The following SFSWAP variants were observed in gnomAD, a reference collection of about 807,000 sequenced individuals.
SFSWAP encodes the protein splicing factor, suppressor of white-apricot homolog.
SFSWAP carries 17 observed loss-of-function variants against 100.7 expected under a neutral mutation model. The ratio of observed to expected loss-of-function variants is 0.17; its 90% confidence interval spans 0.12 to 0.25. The LOEUF (loss-of-function observed/expected upper bound fraction) is 0.25, where lower values mean the gene tolerates loss of function less well. SFSWAP is among the 10% of genes least tolerant of loss of function. The pLI, the probability that SFSWAP is intolerant of heterozygous loss-of-function variation, is 1.00. For missense variants in SFSWAP, 1,005 were observed against 1,262.6 expected (o/e 0.80, Z 3.09); for synonymous variants, 504 against 510.1 (o/e 0.99, Z 0.16).
At chr12:131,774,935 T>A (rs1883893063) in intron 13 of SFSWAP, among the ~76,000 whole-genome samples, 1 of 152,028 alleles carries the variant, frequency 6.6e-6, no homozygotes, top group South Asian at 2.1e-4. Context: ...AAAAAAAAAG[T>A]TTGGAGGCTC....
Position 131,799,021 on chromosome 12 carries a change from T to G in SFSWAP, c.2718-16T>G. Reference sequence around the variant, plus strand: ...TCACACGGTTGTAAGCTCTGCTCTCTCTCTCTCTGCATTAGGGGAGTCTCT... The same window carrying G: ...TCACACGGTTGTAAGCTCTGCTCTCGCTCTCTCTGCATTAGGGGAGTCTCT... On this transcript the variant is annotated splice_polypyrimidine_tract_variant and intron_variant, in intron 16 of 17. Coordinates refer to ENST00000261674, the MANE Select transcript of SFSWAP (RefSeq NM_004592.4). 1 of 1,603,160 alleles carries G rather than the reference T, an allele frequency of 6.2e-7. No homozygotes were observed. Among genetic ancestry groups the G allele is most frequent in the Non-Finnish European group, 8.5e-7 (1 of 1,169,982 alleles).
intron 7 of SFSWAP, among the ~76,000 whole-genome samples, chr12:131,747,478 T>C (rs914214468): frequency 1.1e-4 from 16 of 151,994 alleles, no homozygotes; most frequent in Non-Finnish European, 7.4e-5. Context: ...GGCAGGTGGG[T>C]TTGCAGGAGG....
intron 8 of SFSWAP, among the ~76,000 whole-genome samples, chr12:131,754,053 TAACAAC>T (rs886115515): frequency 1.3e-5 from 2 of 152,116 alleles, no homozygotes; most frequent in Admixed American, 6.6e-5. Flanking sequence ...GTTTTCAATA[TAACAAC>T]AACAACAACA....
chr12:131,778,461 CA>C lies in SFSWAP; in HGVS notation c.2408+132del. On this transcript the variant is annotated intron_variant, in intron 14 of 17. Coordinates refer to ENST00000261674, the MANE Select transcript of SFSWAP (RefSeq NM_004592.4). The surrounding 1 kb of genome is among the most constrained non-coding windows in gnomAD (Gnocchi z 4.2). The stretch of plus-strand genomic sequence containing the variant: ...TTAAGCAGACGCGTGTATGCATGTG[CA>C]TGTGTGCCCTGCAAGTCCAAGTAAG... 1 of 1,334,152 alleles carries C rather than the reference CA, an allele frequency of 7.5e-7. No individual in the cohort carries two copies. Among genetic ancestry groups the C allele is most frequent in the Non-Finnish European group, 1.0e-6 (1 of 984,572 alleles). The allele number at this position is 1,334,152 out of a possible 1,614,324, so 82.6% of individuals were successfully genotyped here. A position where few individuals can be genotyped will look rare whatever the true frequency, so the allele number is the denominator to read the frequency against.
At chr12:131,765,760 C>A (rs185398226) in intron 12 of SFSWAP, among the ~76,000 whole-genome samples, 6 of 152,274 alleles carry the variant, frequency 3.9e-5, no homozygotes, top group African/African-American at 1.4e-4. Flanking sequence ...ACATCTGAAT[C>A]TGTCCTTCCT....
intron 7 of SFSWAP, among the ~76,000 whole-genome samples, chr12:131,747,407 A>C (rs1003125429): frequency 6.6e-6 from 1 of 152,214 alleles, no homozygotes; most frequent in Non-Finnish European, 1.5e-5. Context: ...AGGTGAGCCC[A>C]GCAATTACCA....
chr12:131,714,316 A>T lies in SFSWAP; in HGVS notation c.388+76A>T, dbSNP rs772137167. The T allele has an allele frequency of 8.3e-6, 10 of 1,208,750 alleles. No homozygotes were observed. In the Admixed American group the frequency reaches 2.2e-4, roughly 27 times the overall value. 74.9% of individuals were successfully genotyped at this position (1,208,750 alleles called of 1,614,324 possible). ...AGTATTTAAAAATTTACTCCCATTC[A>T]TTTTTTTATACTCACTCTTTCTGAT... On this transcript the variant is annotated intron_variant, in intron 2 of 17. Transcript: ENST00000261674. The surrounding 1 kb of genome is among the most constrained non-coding windows in gnomAD (Gnocchi z 6.0).
chr12:131,768,720 C>T (rs767485978), intron 13 of SFSWAP, among the ~76,000 whole-genome samples: 6 of 152,194 alleles, frequency 3.9e-5, no homozygotes, highest in Non-Finnish European at 7.3e-5. Flanking sequence ...AGCAGCCCCC[C>T]GGGACGCCGT....
intron 16 of SFSWAP, among the ~76,000 whole-genome samples, chr12:131,797,605 G>A (rs1246302329): frequency 6.6e-6 from 1 of 152,224 alleles, no homozygotes; most frequent in Non-Finnish European, 1.5e-5. Flanking sequence ...CAGGAGTGGA[G>A]CAGTCCACTT....
chr12:131,775,611 C>T (rs1020088287), intron 13 of SFSWAP, among the ~76,000 whole-genome samples: 3 of 152,136 alleles, frequency 2.0e-5, no homozygotes, highest in African/African-American at 7.2e-5. Flanking sequence ...TGGGAGAGGC[C>T]ATAGCTAGGA....
At chr12:131,785,284 G>GC in intron 14 of SFSWAP, 1 of 1,363,348 alleles carries the variant, frequency 7.3e-7, no homozygotes, top group African/African-American at 2.7e-5. Context: ...GAAAGGTCTG[G>GC]GAAAAAATCA....
At position 131,799,407 on chromosome 12, in the gene SFSWAP, GT is replaced by G; in HGVS notation, c.2791-15del. The G allele has an allele frequency of 6.2e-7, 1 of 1,613,928 alleles. No homozygotes were observed. Among genetic ancestry groups the G allele is most frequent in the Non-Finnish European group, 8.5e-7 (1 of 1,179,782 alleles). On this transcript the variant is annotated splice_polypyrimidine_tract_variant and intron_variant, in intron 17 of 17. Coordinates refer to ENST00000261674, the MANE Select transcript of SFSWAP (RefSeq NM_004592.4). ...CAGGTCTTCACAGGTTCTCCTCTGT[GT>G]CTCGCCCTGCACAGGATCTCATGGC... is the stretch of plus-strand genomic sequence containing the variant.
At chr12:131,787,031 C>T (rs1884944532) in intron 15 of SFSWAP, among the ~76,000 whole-genome samples, 1 of 152,162 alleles carries the variant, frequency 6.6e-6, no homozygotes, top group Admixed American at 6.5e-5. Flanking sequence ...GCTGGAGCTC[C>T]CAGGAGAGGC....
At chr12:131,796,523 C>G (rs1286213701) in intron 15 of SFSWAP, 1 of 152,402 alleles carries the variant, frequency 6.6e-6, no homozygotes, top group Non-Finnish European at 1.5e-5. Context: ...GCAGGCTCCA[C>G]TGCCCAGAGG....
At chr12:131,791,100 G>A (rs1885198548) in intron 15 of SFSWAP, among the ~76,000 whole-genome samples, 1 of 152,186 alleles carries the variant, frequency 6.6e-6, no homozygotes, top group Admixed American at 6.5e-5. Context: ...GTGGATTAAA[G>A]AGCAAGACCT....
intron 11 of SFSWAP, chr12:131,757,360 G>A (rs1340053462): frequency 6.6e-6 from 1 of 152,510 alleles, no homozygotes. Context: ...AGTGACTTCG[G>A]GGGTGGCTGG....
chr12:131,746,955 T>G lies in SFSWAP; in HGVS notation c.1082-6168T>G, dbSNP rs576669411. Among the ~76,000 whole-genome samples the G allele has an allele frequency of 1.8e-3, 279 of 152,010 alleles. 4 individuals carry two copies. Among genetic ancestry groups the G allele is most frequent in the African/African-American group, 6.5e-3 (268 of 41,464 alleles). Reference sequence around the variant, plus strand: ...CGGTCTCTACTAAAAATACAAAAAATTAGCCGGGTGTGGTGGCGGGTGCCT... The same window carrying G: ...CGGTCTCTACTAAAAATACAAAAAAGTAGCCGGGTGTGGTGGCGGGTGCCT... On this transcript the variant is annotated intron_variant, in intron 7 of 17. Coordinates refer to ENST00000261674, the MANE Select transcript of SFSWAP (RefSeq NM_004592.4).
At chr12:131,781,300 C>T (rs1884487586) in intron 14 of SFSWAP, among the ~76,000 whole-genome samples, 1 of 146,238 alleles carries the variant, frequency 6.8e-6, no homozygotes, top group Non-Finnish European at 1.5e-5. Context: ...TGCAGTGGCG[C>T]GATCTCTGCT....
At chr12:131,774,265 C>T (rs1052058348) in intron 13 of SFSWAP, among the ~76,000 whole-genome samples, 1 of 152,170 alleles carries the variant, frequency 6.6e-6, no homozygotes, top group Non-Finnish European at 1.5e-5. Flanking sequence ...ATGTAGTGTC[C>T]TTCACAAATA....
Sources: gnomAD v4.1 joint callset for allele counts (sites outside exome capture counted in the v4.1 genomes callset) on GRCh38, gnomAD v4.1.1 for gene constraint, Gnocchi (gnomAD v3.1) non-coding constraint, MANE v1.5 for transcripts, NCBI Gene and HGNC (gene_info 2026-07-23, HGNC 2026-07-21) for gene names.